Variants in RBFOX1 observed in about 807,000 individuals in gnomAD.
RBFOX1 encodes the protein RNA binding fox-1 homolog 1.
In RBFOX1, 8 loss-of-function variants were observed where a neutral mutation model predicts 57.7. The observed-to-expected ratio is 0.14, with a 90% CI of 0.08 to 0.25. The LOEUF (loss-of-function observed/expected upper bound fraction) is 0.25, where lower values mean the gene tolerates loss of function less well. RBFOX1 is among the 10% of genes least tolerant of loss of function. The pLI is 1.00. For missense variants in RBFOX1, 611 were observed against 548.5 expected (o/e 1.11, Z -1.14); for synonymous variants, 326 against 222.4 (o/e 1.47, Z -4.15).
chr16:6,370,738 G>A (rs960607242), intron 2 of RBFOX1, among the ~76,000 whole-genome samples: 12 of 152,186 alleles, frequency 7.9e-5, no homozygotes, highest in African/African-American at 2.9e-4. Context: ...TTTGGAAGTT[G>A]AGAAGGTTTT....
chr16:7,602,030 G>A (rs551393550), intron 9 of RBFOX1, among the ~76,000 whole-genome samples: 1 of 152,220 alleles, frequency 6.6e-6, no homozygotes, highest in South Asian at 2.1e-4. Flanking sequence ...GCATTGACAG[G>A]CAGTTTTTGT....
At chr16:7,287,233 A>G (rs1249158469) in intron 4 of RBFOX1, among the ~76,000 whole-genome samples, 1 of 152,194 alleles carries the variant, frequency 6.6e-6, no homozygotes, top group Non-Finnish European at 1.5e-5. Flanking sequence ...AGAGCTAGTA[A>G]AGACAAGCAG....
At chr16:6,966,566 G>T (rs189069221) in intron 3 of RBFOX1, among the ~76,000 whole-genome samples, 220 of 152,208 alleles carry the variant, frequency 1.4e-3, no homozygotes, top group Middle Eastern at 3.4e-3. Context: ...CTTTGAGAAA[G>T]AATGGAAGAT....
At chr16:6,285,468 T>C (rs1402998156) in intron 1 of RBFOX1, among the ~76,000 whole-genome samples, 3 of 152,160 alleles carry the variant, frequency 2.0e-5, no homozygotes, top group Non-Finnish European at 4.4e-5. Flanking sequence ...ATCCCACATC[T>C]CTACATATGG....
At chr16:6,174,384 C>G (rs1039218572) in intron 1 of RBFOX1, among the ~76,000 whole-genome samples, 2 of 152,144 alleles carry the variant, frequency 1.3e-5, no homozygotes, top group Non-Finnish European at 2.9e-5. Context: ...CACCTGAGGC[C>G]AGGAGTTCAA....
intron 3 of RBFOX1, among the ~76,000 whole-genome samples, chr16:5,793,241 C>T (rs965021628): frequency 1.2e-4 from 18 of 152,242 alleles, no homozygotes; most frequent in Admixed American, 3.3e-4. Context: ...TGACCGGCTC[C>T]TTTTGCCCAC....
At chr16:6,185,344 C>T (rs1000100624) in intron 1 of RBFOX1, among the ~76,000 whole-genome samples, 1 of 152,202 alleles carries the variant, frequency 6.6e-6, no homozygotes, top group East Asian at 1.9e-4. Context: ...AACAAGGCTT[C>T]CCTCCTGCCC....
chr16:6,083,326 A>T (rs1206344673), intron 1 of RBFOX1, among the ~76,000 whole-genome samples: 1 of 152,132 alleles, frequency 6.6e-6, no homozygotes, highest in Non-Finnish European at 1.5e-5. Flanking sequence ...ACTAAGGTGG[A>T]ACATGCTTTA....
chr16:6,869,374 A>T (rs1175909367), intron 3 of RBFOX1, among the ~76,000 whole-genome samples: 2 of 152,138 alleles, frequency 1.3e-5, no homozygotes, highest in African/African-American at 2.4e-5. Flanking sequence ...GTAGGTAGAG[A>T]AAGAGTCAAA....
chr16:7,605,544 G>C (rs1409145184), intron 9 of RBFOX1, among the ~76,000 whole-genome samples: 3 of 152,172 alleles, frequency 2.0e-5, no homozygotes, highest in South Asian at 4.1e-4. Context: ...TCAAGTTTTA[G>C]AAAGTTCTGG....
intron 3 of RBFOX1, among the ~76,000 whole-genome samples, chr16:6,907,251 G>A (rs573034902): frequency 1.5e-4 from 23 of 152,234 alleles, no homozygotes; most frequent in African/African-American, 5.1e-4. Flanking sequence ...GGCCCCCGAA[G>A]CAAAGCGTTT....
chr16:5,888,789 C>T (rs1046123093), intron 4 of RBFOX1, among the ~76,000 whole-genome samples: 1 of 83,366 alleles, frequency 1.2e-5, no homozygotes, highest in Non-Finnish European at 2.1e-5. Context: ...AAGAGCGAAA[C>T]TCAGTCTAAA....
chr16:5,881,909 T>A (rs2057773319), intron 4 of RBFOX1, among the ~76,000 whole-genome samples: 1 of 152,170 alleles, frequency 6.6e-6, no homozygotes, highest in African/African-American at 2.4e-5. Flanking sequence ...TAATAATAAT[T>A]ACTTCAGTAG....
chr16:7,183,978 A>G (rs1002971937), intron 4 of RBFOX1, among the ~76,000 whole-genome samples: 2 of 152,184 alleles, frequency 1.3e-5, no homozygotes, highest in African/African-American at 2.4e-5. Flanking sequence ...TCATTAAAGA[A>G]CTGAAATAGG....
intron 2 of RBFOX1, among the ~76,000 whole-genome samples, chr16:6,479,399 C>A (rs1397526053): frequency 6.6e-6 from 1 of 152,064 alleles, no homozygotes; most frequent in African/African-American, 2.4e-5. Context: ...GCCAGCCTGG[C>A]CAACATGGTG....
At chr16:7,705,189 T>G (rs893716550) in intron 14 of RBFOX1, among the ~76,000 whole-genome samples, 2 of 151,886 alleles carry the variant, frequency 1.3e-5, no homozygotes, top group Admixed American at 1.3e-4. Flanking sequence ...AGAATGGATT[T>G]GCATGTGTGC....
At chr16:7,280,308 C>T (rs2095516087) in intron 4 of RBFOX1, among the ~76,000 whole-genome samples, 1 of 152,186 alleles carries the variant, frequency 6.6e-6, no homozygotes, top group Non-Finnish European at 1.5e-5. Context: ...TTCTGCCTTC[C>T]AGAATAGAGT....
intron 2 of RBFOX1, among the ~76,000 whole-genome samples, chr16:6,627,420 T>C (rs1442189854): frequency 6.6e-6 from 1 of 152,068 alleles, no homozygotes; most frequent in African/African-American, 2.4e-5. Flanking sequence ...AGAAAAACTT[T>C]TCCATTTTGA....
chr16:6,714,077 C>G (rs564703708), intron 3 of RBFOX1, among the ~76,000 whole-genome samples: 1 of 152,266 alleles, frequency 6.6e-6, no homozygotes, highest in African/African-American at 2.4e-5. Flanking sequence ...CCATGCCATT[C>G]TTGTGATAGT....
Sources: allele counts gnomAD v4.1 joint callset (sites outside exome capture counted in the v4.1 genomes callset), GRCh38; gene constraint gnomAD v4.1.1; transcripts MANE v1.5; gene names NCBI Gene and HGNC (gene_info 2026-07-23, HGNC 2026-07-21).